USP34: variants seen among roughly 807,000 people sequenced by gnomAD.
USP34 encodes the protein ubiquitin specific peptidase 34.
USP34 carries 70 observed loss-of-function variants against 460.3 expected under a neutral mutation model. The ratio of observed to expected loss-of-function variants is 0.15; its 90% CI spans 0.13 to 0.19. USP34 has a LOEUF of 0.19. Ranked by LOEUF, USP34 falls within the 10% of genes least tolerant of loss-of-function variation. The pLI is 1.00. For missense variants in USP34, 3,985 were observed against 4,236.2 expected (o/e 0.94, Z 1.65); for synonymous variants, 1,647 against 1,405.3 (o/e 1.17, Z -3.85).
At chr2:61,309,091 G>A (rs929630846) in intron 27 of USP34, among the ~76,000 whole-genome samples, 11 of 151,998 alleles carry the variant, frequency 7.2e-5, no homozygotes, top group East Asian at 1.9e-4. Context: ...AAAAAGTATC[G>A]GAATTCAGAA....
At chr2:61,422,879 G>A (rs1242185163) in intron 1 of USP34, among the ~76,000 whole-genome samples, 2 of 151,914 alleles carry the variant, frequency 1.3e-5, no homozygotes, top group Non-Finnish European at 2.9e-5. Flanking sequence ...GCACACCTCT[G>A]GTCCCAGCTA....
chr2:61,293,571 A>C (rs922624992), intron 32 of USP34, 21 bp from the exon 33 acceptor site: 2 of 1,591,438 alleles, frequency 1.3e-6, no homozygotes, highest in Non-Finnish European at 1.7e-6. Flanking sequence ...TTGTGAAAGT[A>C]ATAGTAAGAG....
intron 1 of USP34, among the ~76,000 whole-genome samples, chr2:61,450,657 T>C (rs1408295185): frequency 1.3e-5 from 2 of 151,996 alleles, no homozygotes; most frequent in African/African-American, 2.4e-5. Context: ...AAATATACCA[T>C]TTTAATTGGG....
intron 1 of USP34, among the ~76,000 whole-genome samples, chr2:61,441,972 G>A (rs879832370): frequency 6.6e-5 from 10 of 152,016 alleles, no homozygotes; most frequent in Non-Finnish European, 1.3e-4. Context: ...GTTAATACAC[G>A]TATCTACAGT....
rs1558534088 is a variant in USP34, at chr2:61,331,789, T to TA, written c.2835-419_2835-418insT. On this transcript the variant is annotated intron_variant, in intron 19 of 79. Coordinates refer to ENST00000398571, the MANE Select transcript of USP34 (RefSeq NM_014709.4). ...CTTATATTTTTGAACAAAATTTTTT[T>TA]TAAAAAAATCAAAGAAATACCCAGC... Among the ~76,000 whole-genome samples, 34 of 146,430 alleles carry TA rather than the reference T, an allele frequency of 2.3e-4. No homozygotes were observed. In the South Asian group the frequency reaches 2.5e-3, roughly 11 times the overall value.
At chr2:61,277,051 C>T (rs1158859174) in intron 41 of USP34, among the ~76,000 whole-genome samples, 2 of 152,088 alleles carry the variant, frequency 1.3e-5, no homozygotes, top group African/African-American at 4.8e-5. Flanking sequence ...TTTGTTGGTT[C>T]AGAGTCACGA....
At chr2:61,203,084 A>G in intron 75 of USP34, 56 bp downstream of exon 75, 1 of 1,386,330 alleles carries the variant, frequency 7.2e-7, no homozygotes, top group African/African-American at 1.5e-5. Context: ...CCCTTCCTGA[A>G]TGACTAGGGG....
chr2:61,250,287 A>C (rs1688540617), intron 48 of USP34: 1 of 183,992 alleles, frequency 5.4e-6, no homozygotes, highest in Non-Finnish European at 1.1e-5. Context: ...AAGCATTTTG[A>C]AAGAAAAACC....
chr2:61,426,774 T>C (rs531184765), intron 1 of USP34, among the ~76,000 whole-genome samples: 1 of 152,178 alleles, frequency 6.6e-6, no homozygotes, highest in East Asian at 1.9e-4. Context: ...TAGTCCTAAT[T>C]TCAAGACTGA....
intron 61 of USP34, 140 bp downstream of exon 61, chr2:61,228,505 C>G: frequency 1.7e-6 from 1 of 577,494 alleles, no homozygotes; most frequent in Non-Finnish European, 2.8e-6. Flanking sequence ...AAAACATCAA[C>G]CAATCTTAGA....
intron 10 of USP34, among the ~76,000 whole-genome samples, chr2:61,353,833 T>C (rs1373768277): frequency 6.6e-6 from 1 of 151,748 alleles, no homozygotes; most frequent in African/African-American, 2.4e-5. Flanking sequence ...ACAGAAATTA[T>C]AAAAAGGAAC....
At chr2:61,231,510 T>G (rs1175083858) in intron 58 of USP34, among the ~76,000 whole-genome samples, 2 of 152,076 alleles carry the variant, frequency 1.3e-5, no homozygotes, top group African/African-American at 4.8e-5. Context: ...CCCAGGAATT[T>G]GAGACCAGCC....
chr2:61,271,456 T>C (rs1055938167), intron 41 of USP34, among the ~76,000 whole-genome samples: 3 of 152,216 alleles, frequency 2.0e-5, no homozygotes, highest in Non-Finnish European at 4.4e-5. Context: ...AATGTACTGT[T>C]TGACTGTCAG....
chr2:61,443,721 C>T (rs966350035), intron 1 of USP34, among the ~76,000 whole-genome samples: 1 of 152,146 alleles, frequency 6.6e-6, no homozygotes, highest in African/African-American at 2.4e-5. Flanking sequence ...GGTAGTGAAA[C>T]TACTTTGTAC....
intron 10 of USP34, among the ~76,000 whole-genome samples, chr2:61,362,210 A>T (rs2103815230): frequency 6.6e-6 from 1 of 152,282 alleles, no homozygotes; most frequent in South Asian, 2.1e-4. Flanking sequence ...TGTTGGTGGG[A>T]ATGAAAACTG....
chr2:61,363,755 C>T (rs1692343642), intron 10 of USP34, among the ~76,000 whole-genome samples: 1 of 152,016 alleles, frequency 6.6e-6, no homozygotes, highest in Non-Finnish European at 1.5e-5. Context: ...ATTTGTAAAC[C>T]CATGTTCACA....
intron 43 of USP34, 41 bp downstream of exon 43, chr2:61,265,356 C>A: frequency 6.4e-7 from 1 of 1,561,774 alleles, no homozygotes; most frequent in Non-Finnish European, 8.6e-7. Flanking sequence ...ATATTAAAAT[C>A]TGGTTTATAA....
intron 1 of USP34, among the ~76,000 whole-genome samples, chr2:61,448,157 C>G (rs1480685792): frequency 6.6e-6 from 1 of 152,200 alleles, no homozygotes; most frequent in Non-Finnish European, 1.5e-5. Flanking sequence ...TTTGCACTAT[C>G]AATGAAAATG....
intron 18 of USP34, 123 bp from the exon 19 acceptor site, chr2:61,334,094 A>T: frequency 8.5e-6 from 5 of 588,368 alleles, no homozygotes; most frequent in Non-Finnish European, 1.1e-5. Context: ...TATTACACAA[A>T]CATTAAACTT....
Sources: gnomAD v4.1 joint callset for allele counts (sites outside exome capture counted in the v4.1 genomes callset) on GRCh38, gnomAD v4.1.1 for gene constraint, MANE v1.5 for transcripts, NCBI Gene and HGNC (gene_info 2026-07-23, HGNC 2026-07-21) for gene names.